RALGPS2: variants seen among roughly 807,000 people sequenced by gnomAD.
The protein encoded by RALGPS2 is Ral GEF with PH domain and SH3 binding motif 2.
In RALGPS2, 43 loss-of-function variants were observed where a neutral mutation model predicts 86.8. That is an observed-to-expected ratio of 0.50 (90% CI 0.39 to 0.64). The LOEUF is 0.64. Among genes scored for constraint, RALGPS2 ranks in the 30% least tolerant of loss-of-function variants. RALGPS2 has a pLI of 0.00. For synonymous variants in RALGPS2, 243 were observed against 231.3 expected (o/e 1.05, Z -0.46); for missense variants, 536 against 694.6 (o/e 0.77, Z 2.57).
At chr1:178,748,786 G>A (rs991750658) in intron 1 of RALGPS2, among the ~76,000 whole-genome samples, 2 of 150,176 alleles carry the variant, frequency 1.3e-5, no homozygotes, top group Admixed American at 6.7e-5. Context: ...AGGAGGCGGA[G>A]GTTGCAGTGA....
At chr1:178,729,601 G>T (rs1650221619) in intron 1 of RALGPS2, among the ~76,000 whole-genome samples, 1 of 152,154 alleles carries the variant, frequency 6.6e-6, no homozygotes, top group Non-Finnish European at 1.5e-5. Context: ...AATCCAAAAT[G>T]CTCCAAAATA....
Position 178,827,698 on chromosome 1 carries a change from A to G in RALGPS2, c.481-5726A>G, listed in dbSNP as rs1364980794. Among the ~76,000 whole-genome samples the G allele has an allele frequency of 2.0e-5, 3 of 152,068 alleles. No individual in the cohort carries two copies. The East Asian group carries it at 5.8e-4, about 29-fold the overall frequency. ...GCGTGAGCCACCGCGCCCGGCCCATACTCTCTGATTTTAAAATACACTGTG... is the reference window on the plus strand; with the variant it reads ...GCGTGAGCCACCGCGCCCGGCCCATGCTCTCTGATTTTAAAATACACTGTG... On this transcript the variant is annotated intron_variant, in intron 7 of 19. Coordinates refer to ENST00000367635, the MANE Select transcript of RALGPS2 (RefSeq NM_152663.5).
chr1:178,827,034 T>A (rs76737185), intron 7 of RALGPS2, among the ~76,000 whole-genome samples: 6,246 of 152,246 alleles, frequency 0.041, 176 homozygotes, highest in African/African-American at 0.073. Flanking sequence ...CAAAATTATC[T>A]TACAAAAATC....
chr1:178,856,198 G>GATATATAT (rs1232946834), intron 8 of RALGPS2, among the ~76,000 whole-genome samples: 8 of 47,264 alleles, frequency 1.7e-4, no homozygotes, highest in South Asian at 5.1e-4. Context: ...TCCAGAGAGA[G>GATATATAT]AGAGATATAT....
At position 178,834,736 on chromosome 1, in the gene RALGPS2, G is replaced by C. The variant is rs554666721; in HGVS notation, c.607+1186G>C. Among the ~76,000 whole-genome samples the C allele has an allele frequency of 3.3e-5, 5 of 152,282 alleles. No individual in the cohort carries two copies. In the South Asian group the frequency reaches 1.0e-3, roughly 32 times the overall value. ...ATATTAGGAGAAAGACATTCTGTAT[G>C]TGCTTTACATTTTTAGGTTGTTGCT... On this transcript the variant is annotated intron_variant, in intron 8 of 19. Transcript: ENST00000367635.
At chr1:178,848,466 A>G (rs1345821690) in intron 8 of RALGPS2, among the ~76,000 whole-genome samples, 2 of 152,102 alleles carry the variant, frequency 1.3e-5, no homozygotes, top group African/African-American at 4.8e-5. Flanking sequence ...CTACCACACA[A>G]ATGAGCTAAC....
intron 16 of RALGPS2, among the ~76,000 whole-genome samples, chr1:178,895,919 A>ACC (rs1659920612): frequency 6.6e-6 from 1 of 152,034 alleles, no homozygotes; most frequent in African/African-American, 2.4e-5. Context: ...AGTCATTAGC[A>ACC]TACAGATAGA....
chr1:178,876,038 T>C (rs1658989094), intron 8 of RALGPS2, among the ~76,000 whole-genome samples: 1 of 152,192 alleles, frequency 6.6e-6, no homozygotes, highest in African/African-American at 2.4e-5. Context: ...TAAAGAATAC[T>C]GTAAAGATTT....
chr1:178,913,282 CAAAA>C (rs564534239), intron 19 of RALGPS2, among the ~76,000 whole-genome samples: 1 of 126,846 alleles, frequency 7.9e-6, no homozygotes, highest in Non-Finnish European at 1.7e-5. Flanking sequence ...ACTCCCATCT[CAAAA>C]AAAAAAAAAG....
At chr1:178,774,093 G>T (rs1652953594) in intron 1 of RALGPS2, among the ~76,000 whole-genome samples, 2 of 152,026 alleles carry the variant, frequency 1.3e-5, no homozygotes, top group African/African-American at 4.8e-5. Flanking sequence ...GACCAACATG[G>T]TGAAACCCTG....
rs1660865350 is a variant in RALGPS2 at position 178,917,913 on chromosome 1, T to G, written c.*1554T>G. ...TGGGCCTCACATAAAATTTCTCACATTCGTATTCTTAGAGAATTTTATACT... is the reference window on the plus strand; with the variant it reads ...TGGGCCTCACATAAAATTTCTCACAGTCGTATTCTTAGAGAATTTTATACT... On this transcript the variant is annotated 3_prime_UTR_variant, in exon 20 of 20. Transcript: ENST00000367635. 1 of 152,164 alleles carries G rather than the reference T, an allele frequency of 6.6e-6. No individual in the cohort carries two copies. Among genetic ancestry groups the G allele is most frequent in the African/African-American group, 2.4e-5 (1 of 41,458 alleles). 9.4% of individuals were successfully genotyped at this position (152,164 alleles called of 1,614,324 possible). A position where few individuals can be genotyped will look rare whatever the true frequency, so the allele number is the denominator to read the frequency against.
At chr1:178,784,546 T>A (rs759305373) in intron 3 of RALGPS2, 24 bp downstream of exon 3, 4 of 1,520,400 alleles carry the variant, frequency 2.6e-6, no homozygotes, top group Non-Finnish European at 2.7e-6. Context: ...CTCTGTCTTC[T>A]CCGGTTTTGC....
At chr1:178,810,170 G>T (rs1330336340) in intron 5 of RALGPS2, among the ~76,000 whole-genome samples, 4 of 151,974 alleles carry the variant, frequency 2.6e-5, no homozygotes, top group Non-Finnish European at 4.4e-5. Context: ...GATCACCTGA[G>T]CTCGGGAGTT....
At chr1:178,830,156 ATATG>A (rs1387622532) in intron 7 of RALGPS2, among the ~76,000 whole-genome samples, 2 of 152,226 alleles carry the variant, frequency 1.3e-5, no homozygotes, top group East Asian at 3.8e-4. Flanking sequence ...ATTTCATTAT[ATATG>A]TGTATTAAAA....
chr1:178,747,847 ATAATGT>A (rs1651425979), intron 1 of RALGPS2: 1 of 595,498 alleles, frequency 1.7e-6, no homozygotes, highest in East Asian at 2.8e-5. Flanking sequence ...TACATTAATC[ATAATGT>A]TAATAGTTAC....
chr1:178,817,392 T>C (rs1655285850), intron 6 of RALGPS2, among the ~76,000 whole-genome samples: 1 of 148,692 alleles, frequency 6.7e-6, no homozygotes, highest in South Asian at 2.1e-4. Context: ...TTGTGCTAAC[T>C]CCATTCTTTT....
intron 3 of RALGPS2, among the ~76,000 whole-genome samples, chr1:178,785,232 AATC>A (rs1212667585): frequency 6.6e-6 from 1 of 152,058 alleles, no homozygotes; most frequent in East Asian, 1.9e-4. Context: ...GAGGAGCTGT[AATC>A]ATCATAACAA....
chr1:178,908,850 T>C (rs1660494355), intron 19 of RALGPS2, among the ~76,000 whole-genome samples: 1 of 152,216 alleles, frequency 6.6e-6, no homozygotes, highest in South Asian at 2.1e-4. Context: ...TCTCCCATTC[T>C]CTAGGAATGT....
chr1:178,913,033 G>C (rs1164088140), intron 19 of RALGPS2, among the ~76,000 whole-genome samples: 1 of 152,140 alleles, frequency 6.6e-6, no homozygotes. Flanking sequence ...TGTAATCCCA[G>C]CACTTTGGGA....
Sources: allele counts gnomAD v4.1 joint callset (sites outside exome capture counted in the v4.1 genomes callset), GRCh38; gene constraint gnomAD v4.1.1; transcripts MANE v1.5; gene names NCBI Gene and HGNC (gene_info 2026-07-23, HGNC 2026-07-21).